PRDM16: variants seen among roughly 807,000 people sequenced by gnomAD.
PRDM16 encodes histone-lysine N-methyltransferase PRDM16.
Under a neutral mutation model 110.6 loss-of-function variants are expected in PRDM16, and 23 were observed. The ratio of observed to expected loss-of-function variants is 0.21; its 90% CI spans 0.15 to 0.29. PRDM16 has a LOEUF of 0.29. Ranked by LOEUF, PRDM16 falls within the 10% of genes least tolerant of loss-of-function variation. The pLI, the probability that PRDM16 is intolerant of heterozygous loss-of-function variation, is 1.00. For missense variants in PRDM16, 1,615 were observed against 1,794.3 expected (o/e 0.90, Z 1.81); for synonymous variants, 799 against 781.8 (o/e 1.02, Z -0.37).
At position 3,433,551 on chromosome 1, in the gene PRDM16, ACGCGCTCACCTGCCTG is replaced by A. The variant is rs1413552090; in HGVS notation, c.3697-125_3697-110del. ...CTGTCTGGGATGGCCCGCCCTGCCC[ACGCGCTCACCTGCCTG>A]TCTGGGATGGCCCGCCCTGCCCACG... On this transcript the variant is annotated intron_variant, in intron 16 of 16. Coordinates refer to ENST00000270722, the MANE Select transcript of PRDM16 (RefSeq NM_022114.4). The A allele has an allele frequency of 3.2e-5, 7 of 221,812 alleles. No homozygotes were observed. The East Asian group carries it at 4.8e-4, about 15-fold the overall frequency. The allele number at this position is 221,812 out of a possible 1,614,324, so 13.7% of individuals were successfully genotyped here. A position where few individuals can be genotyped will look rare whatever the true frequency, so the allele number is the denominator to read the frequency against.
At chr1:3,097,862 C>T (rs908266535) in intron 1 of PRDM16, among the ~76,000 whole-genome samples, 3 of 152,154 alleles carry the variant, frequency 2.0e-5, no homozygotes, top group Non-Finnish European at 4.4e-5. Flanking sequence ...CAGCAGACGC[C>T]CCTCGAGCTG....
intron 1 of PRDM16, among the ~76,000 whole-genome samples, chr1:3,111,340 A>G (rs955650124): frequency 6.6e-6 from 1 of 151,846 alleles, no homozygotes; most frequent in Non-Finnish European, 1.5e-5. Context: ...GGGAGGCAGG[A>G]TGGACAAGAG....
chr1:3,182,168 A>G (rs554066357), intron 1 of PRDM16, among the ~76,000 whole-genome samples: 1 of 152,298 alleles, frequency 6.6e-6, no homozygotes, highest in East Asian at 1.9e-4. Context: ...CCACATGATG[A>G]AGGAGGAAGC....
intron 1 of PRDM16, among the ~76,000 whole-genome samples, chr1:3,141,877 C>T (rs994210828): frequency 5.3e-5 from 8 of 152,228 alleles, no homozygotes; most frequent in African/African-American, 1.7e-4. Context: ...GAGAATGCCA[C>T]CTGACCCGTT....
At chr1:3,240,044 A>AGAG (rs1190622066) in intron 2 of PRDM16, among the ~76,000 whole-genome samples, 1 of 95,744 alleles carries the variant, frequency 1.0e-5, no homozygotes, top group African/African-American at 5.2e-5. Flanking sequence ...GGAGAAGAGG[A>AGAG]GAGGAGAGGA....
At position 3,243,981 on chromosome 1, in the gene PRDM16, C is replaced by A; in HGVS notation, c.388-106C>A. The A allele has an allele frequency of 8.8e-7, 1 of 1,131,690 alleles. No homozygotes were observed. Among genetic ancestry groups the A allele is most frequent in the Non-Finnish European group, 1.3e-6 (1 of 745,886 alleles). 70.1% of individuals were successfully genotyped at this position (1,131,690 alleles called of 1,614,324 possible). On this transcript the variant is annotated intron_variant, in intron 2 of 16. Transcript: ENST00000270722. This position sits in a 1 kb window ranked among gnomAD's most constrained non-coding sequence, Gnocchi z 5.5. ...CTGTGGAGAAGCCACTGGGTCCCAC[C>A]CTGTGACTTTTGGGGACAGTGGTTC...
At chr1:3,428,098 A>C (rs1490365844) in intron 14 of PRDM16, among the ~76,000 whole-genome samples, 1 of 152,202 alleles carries the variant, frequency 6.6e-6, no homozygotes, top group Non-Finnish European at 1.5e-5. Flanking sequence ...GCCCAGGACC[A>C]GGAGCGTGTG....
intron 16 of PRDM16, 39 bp downstream of exon 16, chr1:3,432,179 C>CCT: frequency 1.3e-6 from 2 of 1,581,666 alleles, no homozygotes; most frequent in Non-Finnish European, 1.7e-6. Context: ...CCCCACCTGG[C>CCT]CTCCTCAGCC....
chr1:3,241,903 G>A (rs1424722898), intron 2 of PRDM16, among the ~76,000 whole-genome samples: 1 of 152,206 alleles, frequency 6.6e-6, no homozygotes, highest in Non-Finnish European at 1.5e-5. Flanking sequence ...GGGTGGCATC[G>A]GTGGGTGGCT....
intron 2 of PRDM16, among the ~76,000 whole-genome samples, chr1:3,237,069 C>G (rs964443966): frequency 2.0e-5 from 3 of 152,154 alleles, no homozygotes; most frequent in Non-Finnish European, 4.4e-5. Context: ...CATGCTCCTC[C>G]GAGCAGACAT....
chr1:3,148,248 T>C lies in PRDM16; in HGVS notation c.38-37877T>C, dbSNP rs1377464414. The stretch of plus-strand genomic sequence containing the variant: ...GCAATCTCATGTCCTGGGTGCAATC[T>C]CATGCCCTGGTGGCCCTGGTGAGAG... On this transcript the variant is annotated intron_variant, in intron 1 of 16. Transcript: ENST00000270722. This position sits in a 1 kb window ranked among gnomAD's most constrained non-coding sequence, Gnocchi z 5.0. Among the ~76,000 whole-genome samples, 2 of 152,108 alleles carry C rather than the reference T, an allele frequency of 1.3e-5. No individual in the cohort carries two copies.
Position 3,209,196 on chromosome 1 carries a change from T to C in PRDM16, c.387+22722T>C, listed in dbSNP as rs1638822614. Among the ~76,000 whole-genome samples the C allele has an allele frequency of 6.6e-6, 1 of 152,084 alleles. No homozygotes were observed. Among genetic ancestry groups the C allele is most frequent in the Non-Finnish European group, 1.5e-5 (1 of 68,020 alleles). On this transcript the variant is annotated intron_variant, in intron 2 of 16. Coordinates refer to ENST00000270722, the MANE Select transcript of PRDM16 (RefSeq NM_022114.4). The surrounding 1 kb of genome is among the most constrained non-coding windows in gnomAD (Gnocchi z 4.6). ...TCCAGGGGTAAGAAAAAATTAATCA[T>C]TTATTTGGTAAAGGCCCATGACTGA... is the stretch of plus-strand genomic sequence containing the variant.
Position 3,290,319 on chromosome 1 carries a change from C to T in PRDM16, c.438+46182C>T. ...GGCTCAGGGGTCCTCAGAGGTGTCG[C>T]CCCTTCCATGCTCAAAATGGCTGGA... is the stretch of plus-strand genomic sequence containing the variant. On this transcript the variant is annotated intron_variant, in intron 3 of 16. Coordinates refer to ENST00000270722, the MANE Select transcript of PRDM16 (RefSeq NM_022114.4). This position sits in a 1 kb window ranked among gnomAD's most constrained non-coding sequence, Gnocchi z 4.8. Among the ~76,000 whole-genome samples, 1 of 152,158 alleles carries T rather than the reference C, an allele frequency of 6.6e-6. No homozygotes were observed. Among genetic ancestry groups the T allele is most frequent in the South Asian group, 2.1e-4 (1 of 4,832 alleles).
intron 6 of PRDM16, among the ~76,000 whole-genome samples, chr1:3,403,280 A>G (rs1336131374): frequency 6.6e-6 from 1 of 152,146 alleles, no homozygotes; most frequent in African/African-American, 2.4e-5. Flanking sequence ...GCCACCTCCT[A>G]GGCTCATGGC....
rs1448622417 is a variant in PRDM16, at chr1:3,425,472, T to TGCACGGG, written c.2940-98_2940-92dup. The TGCACGGG allele has an allele frequency of 2.1e-5, 26 of 1,219,814 alleles. No homozygotes were observed. In the Middle Eastern group the frequency reaches 8.9e-4, roughly 42 times the overall value. The allele number at this position is 1,219,814 out of a possible 1,614,324, so 75.6% of individuals were successfully genotyped here. On this transcript the variant is annotated intron_variant, in intron 12 of 16. Transcript: ENST00000270722. The surrounding 1 kb of genome is among the most constrained non-coding windows in gnomAD (Gnocchi z 6.9). ...TCCGGGACACGGCGGGGCAAAGCTG[T>TGCACGGG]GCACGGGGCACGGGGCAGGGGCGCG...
chr1:3,282,686 A>G (rs1439977738), intron 3 of PRDM16, among the ~76,000 whole-genome samples: 2 of 152,156 alleles, frequency 1.3e-5, no homozygotes, highest in Non-Finnish European at 2.9e-5. Context: ...GAGACCCAGG[A>G]ATCAGCATGG....
At position 3,353,401 on chromosome 1, in the gene PRDM16, A is replaced by G. The variant is rs1642532312; in HGVS notation, c.439-31751A>G. Among the ~76,000 whole-genome samples, 1 of 151,994 alleles carries G rather than the reference A, an allele frequency of 6.6e-6. No homozygotes were observed. Among genetic ancestry groups the G allele is most frequent in the South Asian group, 2.1e-4 (1 of 4,818 alleles). On this transcript the variant is annotated intron_variant, in intron 3 of 16. Transcript: ENST00000270722. The surrounding 1 kb of genome is among the most constrained non-coding windows in gnomAD (Gnocchi z 5.4). The stretch of plus-strand genomic sequence containing the variant: ...TATTTCTTGCCACATCTGAAATTGG[A>G]CCCGAATGCGCATGGGGACACCATC...
chr1:3,372,898 A>G (rs530899385), intron 3 of PRDM16, among the ~76,000 whole-genome samples: 2 of 152,212 alleles, frequency 1.3e-5, no homozygotes, highest in South Asian at 2.1e-4. Flanking sequence ...GGGGCCTGCT[A>G]TGGGGTGGGG....
intron 3 of PRDM16, among the ~76,000 whole-genome samples, chr1:3,335,335 A>C (rs1459583177): frequency 1.3e-5 from 2 of 152,056 alleles, no homozygotes; most frequent in Non-Finnish European, 2.9e-5. Flanking sequence ...AACGTTATTG[A>C]CTGAGGGCTG....
Sources: gnomAD v4.1 joint callset for allele counts (sites outside exome capture counted in the v4.1 genomes callset) on GRCh38, gnomAD v4.1.1 for gene constraint, Gnocchi (gnomAD v3.1) non-coding constraint, MANE v1.5 for transcripts, NCBI Gene and HGNC (gene_info 2026-07-23, HGNC 2026-07-21) for gene names.